The following HES6 variants were observed in gnomAD, a reference collection of about 807,000 sequenced individuals.
The protein encoded by HES6 is hes family bHLH transcription factor 6.
A neutral mutation model predicts 16.4 loss-of-function variants in HES6; 24 were observed. The observed-to-expected ratio is 1.46, with a 90% CI of 1.06 to 2.06. HES6 has a LOEUF of 2.06. Ranked by LOEUF, HES6 falls within the 30% of genes most tolerant of loss-of-function variation. The pLI, the probability that HES6 is intolerant of heterozygous loss-of-function variation, is 0.00. For synonymous variants in HES6, 159 were observed against 144.3 expected, an observed-to-expected ratio of 1.10 and a Z score of -0.73; for missense variants, 355 against 317.6, an observed-to-expected ratio of 1.12 and a Z score of -0.90.
In HES6 at chr2:238,239,446, C is replaced by A. The variant is rs1035579644; in HGVS notation, c.250+41G>T. 5.5e-6 allele frequency: 7 copies of A among 1,271,098 alleles called. No homozygotes were observed. In the African/African-American group the frequency reaches 7.8e-5, roughly 14 times the overall value. 78.7% of individuals were successfully genotyped at this position (1,271,098 alleles called of 1,614,324 possible). On this transcript the variant is annotated intron_variant, in intron 3 of 3. Coordinates refer to ENST00000272937, the MANE Select transcript of HES6 (RefSeq NM_018645.6). ...TCCTCCGTCTGGCAGGGGTTACAGG[C>A]GCCCGCGGCCGGCGCCCCCGCCCGC... is the stretch of plus-strand genomic sequence containing the variant.
rs775015590 is a variant in HES6 at position 238,239,029 on chromosome 2, C to T, written c.473G>A (p.Arg158Gln). ...AGCGCCCCCCGCAGGCCAGCCACTC[C>T]GTCCAGGGGCTCTAGGTGGCCCCGC... ...ALAGPPRAPG[R>Q]SGWPAGGAPG... Residue 158 changes from arginine (R) to glutamine (Q), a missense_variant, in exon 4 of 4, where the codon CGG becomes CAG. Transcript: ENST00000272937. 11 of 1,610,528 alleles carry T rather than the reference C, an allele frequency of 6.8e-6. No individual in the cohort carries two copies. Among genetic ancestry groups the T allele is most frequent in the East Asian group, 4.5e-5 (2 of 44,796 alleles).
Position 238,239,875 on chromosome 2 carries a change from G to A in HES6, c.31C>T (p.Arg11Cys), listed in dbSNP as rs1695268936. The A allele has an allele frequency of 2.4e-6, 3 of 1,272,778 alleles. No homozygotes were observed. Among genetic ancestry groups the A allele is most frequent in the Admixed American group, 3.3e-5 (1 of 30,052 alleles). 78.8% of individuals were successfully genotyped at this position (1,272,778 alleles called of 1,614,324 possible). The stretch of plus-strand genomic sequence containing the variant: ...CCGTCCTCATCCTCACGGCCCACAC[G>A]GTCCCGGCCAGGCGCCGCGGGTGGC... MAPPAAPGRD[R>C]VGREDEDGWE... The change falls in exon 1 of 4, where the codon CGT (arginine) becomes TGT (cysteine). Residue 11 changes from arginine to cysteine, a missense_variant. Physicochemically the swap from Arg to Cys is radical, Grantham distance 180. Coordinates refer to ENST00000272937, the MANE Select transcript of HES6 (RefSeq NM_018645.6).
At chr2:238,239,282 C>A (rs923131063) in intron 3 of HES6, 31 bp from the exon 4 acceptor site, 1 of 1,586,936 alleles carries the variant, frequency 6.3e-7, no homozygotes. Flanking sequence ...GAGAGAGCCG[C>A]GTCCCGCGCG....
chr2:238,238,896 GTCGGGCCCC>G lies in HES6; in HGVS notation c.597_605del (p.Glu199_Pro201del), dbSNP rs775449290. The stretch of plus-strand genomic sequence containing the variant: ...GGCTGCCCAGGGCTGCGGGCACCAA[GTCGGGCCCC>G]TCAGCAGGAGCCTGACTCAGTTCAG... On this transcript the variant is annotated inframe_deletion, in exon 4 of 4. Coordinates refer to ENST00000272937, the MANE Select transcript of HES6 (RefSeq NM_018645.6). The G allele has an allele frequency of 1.3e-5, 21 of 1,581,982 alleles. No homozygotes were observed. The Admixed American group carries it at 3.2e-4, about 24-fold the overall frequency.
chr2:238,239,573 G>C lies in HES6; in HGVS notation c.169-5C>G. 8.1e-7 allele frequency: 1 copy of C among 1,236,768 alleles called. No individual in the cohort carries two copies. Among genetic ancestry groups the C allele is most frequent in the Non-Finnish European group, 1.0e-6 (1 of 988,054 alleles). The allele number at this position is 1,236,768 out of a possible 1,614,324, so 76.6% of individuals were successfully genotyped here. A position where few individuals can be genotyped will look rare whatever the true frequency, so the allele number is the denominator to read the frequency against. On this transcript the variant is annotated splice_polypyrimidine_tract_variant and splice_region_variant and intron_variant, in intron 2 of 3. Transcript: ENST00000272937. ...GTTCTCCAGCTTGGCCTGCACCTGC[G>C]CGGGCGGGAAGGGCGGTGAGCCGGC...
Position 238,239,747 on chromosome 2 carries a change from C to T in HES6, c.82G>A (p.Ala28Thr). The change falls in exon 2 of 4, where the codon GCC becomes ACC. Residue 28 changes from alanine (A) to threonine (T), a missense_variant and splice_region_variant. By Grantham distance (58) the Ala-to-Thr change is moderately conservative. Transcript: ENST00000272937. ...TTCTTCTCCACCAGGGGCTTCCGGG[C>T]CTGCGGGGAGCGGGGCACTGAATCC... Reference protein sequence around the residue: ...DGWETRGDRKARKPLVEKKRR... With the variant: ...DGWETRGDRKTRKPLVEKKRR... 1 of 1,393,460 alleles carries T rather than the reference C, an allele frequency of 7.2e-7. No homozygotes were observed. Among genetic ancestry groups the T allele is most frequent in the Non-Finnish European group, 9.4e-7 (1 of 1,066,330 alleles). The allele number at this position is 1,393,460 out of a possible 1,614,324, so 86.3% of individuals were successfully genotyped here.
Position 238,239,867 on chromosome 2 carries a change from G to T in HES6, c.39C>A (p.Gly13=), listed in dbSNP as rs780778500. The part of the protein sequence containing the change: ...PPAAPGRDRV[G]REDEDGWETR... ...TCTCCCAGCCGTCCTCATCCTCACG[G>T]CCCACACGGTCCCGGCCAGGCGCCG... Residue 13 remains glycine, a synonymous_variant, in exon 1 of 4, where the codon GGC becomes GGA. Transcript: ENST00000272937. 3 of 1,350,734 alleles carry T rather than the reference G, an allele frequency of 2.2e-6. No homozygotes were observed. The highest frequency in any genetic ancestry group is 3.1e-5 in the East Asian group (1 of 32,170). The allele number at this position is 1,350,734 out of a possible 1,614,324, so 83.7% of individuals were successfully genotyped here. A position where few individuals can be genotyped will look rare whatever the true frequency, so the allele number is the denominator to read the frequency against.
Position 238,238,890 on chromosome 2 carries a change from C to G in HES6, c.612G>C (p.Val204=), listed in dbSNP as rs760319867. The G allele has an allele frequency of 1.7e-4, 273 of 1,581,100 alleles. No individual in the cohort carries two copies. Among genetic ancestry groups the G allele is most frequent in the Non-Finnish European group, 2.2e-4 (260 of 1,166,588 alleles). Residue 204 remains valine (V), a synonymous_variant, in exon 4 of 4, where the codon GTG becomes GTC. Coordinates refer to ENST00000272937, the MANE Select transcript of HES6 (RefSeq NM_018645.6). The stretch of plus-strand genomic sequence containing the variant: ...TGGTCAGGCTGCCCAGGGCTGCGGG[C>G]ACCAAGTCGGGCCCCTCAGCAGGAG... The part of the protein sequence containing the change: ...SQAPAEGPDL[V]PAALGSLTTA...
In HES6 at chr2:238,238,875, G is replaced by A. The variant is rs748357368; in HGVS notation, c.627C>T (p.Gly209=). Residue 209 remains glycine (G), a synonymous_variant, in exon 4 of 4, where the codon GGC becomes GGT. Coordinates refer to ENST00000272937, the MANE Select transcript of HES6 (RefSeq NM_018645.6). ...GGGCAATTTGGGCTGTGGTCAGGCT[G>A]CCCAGGGCTGCGGGCACCAAGTCGG... ...EGPDLVPAAL[G]SLTTAQIARS... is the part of the protein sequence containing the mutation. The A allele has an allele frequency of 3.8e-6, 6 of 1,578,162 alleles. No homozygotes were observed. The South Asian group carries it at 4.6e-5, about 12-fold the overall frequency.
At position 238,239,907 on chromosome 2, in the gene HES6, C is replaced by A. The variant is rs765513657; in HGVS notation, c.-2G>T. 35 of 1,211,520 alleles carry A rather than the reference C, an allele frequency of 2.9e-5. No homozygotes were observed. The African/African-American group carries it at 5.1e-4, about 17-fold the overall frequency. 75.0% of individuals were successfully genotyped at this position (1,211,520 alleles called of 1,614,324 possible). ...GCCAGGCGCCGCGGGTGGCGCCATG[C>A]CCGCTCCGCCGGGGACGCGGCAGGG... is the stretch of plus-strand genomic sequence containing the variant. On this transcript the variant is annotated 5_prime_UTR_variant, in exon 1 of 4. Coordinates refer to ENST00000272937, the MANE Select transcript of HES6 (RefSeq NM_018645.6).
Position 238,239,155 on chromosome 2 carries a change from G to A in HES6, c.347C>T (p.Ala116Val). The A allele has an allele frequency of 1.2e-6, 2 of 1,612,564 alleles. No homozygotes were observed. Among genetic ancestry groups the A allele is most frequent in the Non-Finnish European group, 1.7e-6 (2 of 1,179,902 alleles). Residue 116 changes from alanine (A) to valine (V), a missense_variant, in exon 4 of 4, where the codon GCC becomes GTC. By Grantham distance (64) the Ala-to-Val change is moderately conservative. Coordinates refer to ENST00000272937, the MANE Select transcript of HES6 (RefSeq NM_018645.6). ...CTCGGCAGCGACGGTAGCGTCGATG[G>A]CCTGGCACGTGGACACGAACGTGTG... ...EVHTFVSTCQ[A>V]IDATVAAELL...
Position 238,238,977 on chromosome 2 carries a change from C to CGGG in HES6, c.522_524dup (p.Pro175dup). 6.2e-7 allele frequency: 1 copy of CGGG among 1,603,576 alleles called. No homozygotes were observed. Reference sequence around the variant, plus strand: ...CGGAGCACAGGTCGTCCCCAGGACCCGGGGGGCTGGGTATTGGGGATCCCG... The same window carrying CGGG: ...CGGAGCACAGGTCGTCCCCAGGACCCGGGGGGGGGCTGGGTATTGGGGATCCCG... On this transcript the variant is annotated inframe_insertion, in exon 4 of 4. Coordinates refer to ENST00000272937, the MANE Select transcript of HES6 (RefSeq NM_018645.6).
Position 238,239,522 on chromosome 2 carries a change from C to T in HES6, c.215G>A (p.Arg72Gln). Reference sequence around the variant, plus strand: ...GCCCCGCAGCACACCCTGGACCCGCCGCACCGTCAGCTCCAGCACTTCGGC... The same window carrying T: ...GCCCCGCAGCACACCCTGGACCCGCTGCACCGTCAGCTCCAGCACTTCGGC... The part of the protein sequence containing the change: ...ENAEVLELTV[R>Q]RVQGVLRGRA... The change falls in exon 3 of 4, where the codon CGG (arginine) becomes CAG (glutamine). Residue 72 changes from arginine (R) to glutamine (Q), a missense_variant. Physicochemically the swap from Arg to Gln is conservative, Grantham distance 43 (BLOSUM62 1). Transcript: ENST00000272937. 7.5e-7 allele frequency: 1 copy of T among 1,332,428 alleles called. No individual in the cohort carries two copies. The highest frequency in any genetic ancestry group is 9.6e-7 in the Non-Finnish European group (1 of 1,039,110). 82.5% of individuals were successfully genotyped at this position (1,332,428 alleles called of 1,614,324 possible).
rs112198130 is a variant in HES6, at chr2:238,239,208, G to A, written c.294C>T (p.Ala98=). The part of the protein sequence containing the change: ...LQAEASERFA[A]GYIQCMHEVH... Reference sequence around the variant, plus strand: ...CCTCGTGCATGCACTGGATGTAGCCGGCAGCGAAGCGCTCGCTCGCTTCCG... The same window carrying A: ...CCTCGTGCATGCACTGGATGTAGCCAGCAGCGAAGCGCTCGCTCGCTTCCG... The change falls in exon 4 of 4, where the codon GCC becomes GCT. Residue 98 remains alanine, a synonymous_variant. Transcript: ENST00000272937. The A allele has an allele frequency of 1.4e-5, 22 of 1,610,974 alleles. No homozygotes were observed. Among genetic ancestry groups the A allele is most frequent in the African/African-American group, 2.7e-5 (2 of 74,928 alleles).
At chr2:238,239,610 G>GGGGGGGGC in intron 2 of HES6, 42 bp from the exon 3 acceptor site, 1 of 1,147,018 alleles carries the variant, frequency 8.7e-7, no homozygotes, top group Non-Finnish European at 1.1e-6. Flanking sequence ...GCGCGCTCCC[G>GGGGGGGGC]GACCCGCCCG....
Position 238,239,766 on chromosome 2 carries a change from T to G in HES6, c.82-19A>C. 7.2e-7 allele frequency: 1 copy of G among 1,397,866 alleles called. No individual in the cohort carries two copies. Among genetic ancestry groups the G allele is most frequent in the Non-Finnish European group, 9.4e-7 (1 of 1,068,970 alleles). 86.6% of individuals were successfully genotyped at this position (1,397,866 alleles called of 1,614,324 possible). On this transcript the variant is annotated intron_variant, in intron 1 of 3. Coordinates refer to ENST00000272937, the MANE Select transcript of HES6 (RefSeq NM_018645.6). ...TCCGGGCCTGCGGGGAGCGGGGCACTGAATCCCAGCCCCGCACGGCCTCCC... is the reference window on the plus strand; with the variant it reads ...TCCGGGCCTGCGGGGAGCGGGGCACGGAATCCCAGCCCCGCACGGCCTCCC...
Position 238,239,855 on chromosome 2 carries a change from C to T in HES6, c.51G>A (p.Glu17=). ...GGTCCCCTCGCGTCTCCCAGCCGTCCTCATCCTCACGGCCCACACGGTCCC... is the reference window on the plus strand; with the variant it reads ...GGTCCCCTCGCGTCTCCCAGCCGTCTTCATCCTCACGGCCCACACGGTCCC... ...PGRDRVGRED[E]DGWETRGDRK... Residue 17 remains glutamate, a synonymous_variant, in exon 1 of 4, where the codon GAG becomes GAA. Transcript: ENST00000272937. 7.3e-7 allele frequency: 1 copy of T among 1,374,772 alleles called. No homozygotes were observed. Among genetic ancestry groups the T allele is most frequent in the Non-Finnish European group, 9.5e-7 (1 of 1,054,978 alleles). The allele number at this position is 1,374,772 out of a possible 1,614,324, so 85.2% of individuals were successfully genotyped here. A position where few individuals can be genotyped will look rare whatever the true frequency, so the allele number is the denominator to read the frequency against.
rs1285129962 is a variant in HES6 at position 238,239,523 on chromosome 2, G to A, written c.214C>T (p.Arg72Trp). 5.3e-6 allele frequency: 7 copies of A among 1,329,404 alleles called. No homozygotes were observed. The highest frequency in any genetic ancestry group is 6.7e-6 in the Non-Finnish European group (7 of 1,037,746). 82.4% of individuals were successfully genotyped at this position (1,329,404 alleles called of 1,614,324 possible). A position where few individuals can be genotyped will look rare whatever the true frequency, so the allele number is the denominator to read the frequency against. Reference protein sequence around the residue: ...ENAEVLELTVRRVQGVLRGRA... With the variant: ...ENAEVLELTVWRVQGVLRGRA... ...CCCCGCAGCACACCCTGGACCCGCC[G>A]CACCGTCAGCTCCAGCACTTCGGCG... The change falls in exon 3 of 4, where the codon CGG becomes TGG. Residue 72 changes from arginine to tryptophan, a missense_variant. Coordinates refer to ENST00000272937, the MANE Select transcript of HES6 (RefSeq NM_018645.6).
At chr2:238,239,318 C>T (rs747717456) in intron 3 of HES6, 67 bp from the exon 4 acceptor site, 5 of 1,489,082 alleles carry the variant, frequency 3.4e-6, no homozygotes, top group Admixed American at 4.6e-5. Context: ...GTGGCCCAGC[C>T]CACCCGGCCC....
Sources: allele counts gnomAD v4.1 joint callset, GRCh38; gene constraint gnomAD v4.1.1; transcripts MANE v1.5; gene names NCBI Gene and HGNC (gene_info 2026-07-23, HGNC 2026-07-21).